Variants in KIAA0586 observed in about 807,000 individuals in gnomAD.
KIAA0586 encodes KIAA0586.
Under a neutral mutation model 169.8 loss-of-function variants are expected in KIAA0586, and 144 were observed. The ratio of observed to expected loss-of-function variants is 0.85; its 90% CI spans 0.74 to 0.97. The LOEUF (loss-of-function observed/expected upper bound fraction) is 0.97, where lower values mean the gene tolerates loss of function less well. Among genes scored for constraint, KIAA0586 ranks in the 50% least tolerant of loss-of-function variants. The pLI is 0.00. For missense variants in KIAA0586, 1,854 were observed against 1,823.0 expected (o/e 1.02, Z -0.31); for synonymous variants, 625 against 612.4 (o/e 1.02, Z -0.30).
At chr14:58,542,258 C>G (rs1387766082) in intron 30 of KIAA0586, among the ~76,000 whole-genome samples, 1 of 152,060 alleles carries the variant, frequency 6.6e-6, no homozygotes, top group Non-Finnish European at 1.5e-5. Context: ...GTGGGCAGAT[C>G]ACGGGGTCAG....
intron 6 of KIAA0586, among the ~76,000 whole-genome samples, chr14:58,447,934 A>G (rs532517288): frequency 6.6e-6 from 1 of 152,228 alleles, no homozygotes. Flanking sequence ...CTCAAACAAA[A>G]TCCTACCATT....
rs553873838 is a variant in KIAA0586 at position 58,468,267 on chromosome 14, C to T, written c.2442+345C>T. Among the ~76,000 whole-genome samples the T allele has an allele frequency of 4.6e-5, 7 of 152,116 alleles. No individual in the cohort carries two copies. In the South Asian group the frequency reaches 1.5e-3, roughly 32 times the overall value. ...GGTTTCATATGTTGGCCAGGCTTGT[C>T]TCAAACTCCTGACCTCAGGTGAATC... On this transcript the variant is annotated intron_variant, in intron 16 of 30. Transcript: ENST00000652326.
chr14:58,427,736 C>T lies in KIAA0586; in HGVS notation c.-529C>T, dbSNP rs1043486991. 2.6e-6 allele frequency: 4 copies of T among 1,534,080 alleles called. No homozygotes were observed. The East Asian group carries it at 9.8e-5, about 38-fold the overall frequency. On this transcript the variant is annotated 5_prime_UTR_variant, in exon 1 of 31. Coordinates refer to ENST00000652326, the MANE Select transcript of KIAA0586 (RefSeq NM_001329943.3). ...CAACTGACGCTGTTGTCAGATTACA[C>T]CCACGACGGTGCGGGTCTCGGGCGT...
intron 29 of KIAA0586, among the ~76,000 whole-genome samples, chr14:58,533,729 A>G (rs2046122528): frequency 6.6e-6 from 1 of 152,114 alleles, no homozygotes; most frequent in Admixed American, 6.5e-5. Context: ...GCTTGGAACT[A>G]TTACCCAGAG....
intron 26 of KIAA0586, among the ~76,000 whole-genome samples, chr14:58,498,165 C>T (rs527794121): frequency 8.6e-5 from 13 of 152,038 alleles, no homozygotes; most frequent in East Asian, 1.9e-4. Context: ...CATGAGCCAC[C>T]GTGCCCAGCT....
chr14:58,503,562 A>T (rs959282735), intron 27 of KIAA0586, among the ~76,000 whole-genome samples: 4 of 151,998 alleles, frequency 2.6e-5, no homozygotes, highest in Admixed American at 6.6e-5. Flanking sequence ...GTTCACAATG[A>T]TTTTTTTTCT....
chr14:58,439,478 C>G (rs1029309300), intron 4 of KIAA0586, among the ~76,000 whole-genome samples: 1 of 152,014 alleles, frequency 6.6e-6, no homozygotes, highest in Non-Finnish European at 1.5e-5. Flanking sequence ...TGAGCCACCG[C>G]GCCTGGCCAG....
chr14:58,447,206 T>TAG (rs1458291524), intron 6 of KIAA0586, among the ~76,000 whole-genome samples: 1 of 152,178 alleles, frequency 6.6e-6, no homozygotes, highest in African/African-American at 2.4e-5. Flanking sequence ...CTGTTTTATG[T>TAG]AGAGGGATCT....
At chr14:58,538,600 A>G (rs2046445949) in intron 29 of KIAA0586, among the ~76,000 whole-genome samples, 1 of 152,096 alleles carries the variant, frequency 6.6e-6, no homozygotes, top group African/African-American at 2.4e-5. Flanking sequence ...TTATTTTAAA[A>G]TGTGCAATTA....
At chr14:58,516,781 A>G (rs1251693402) in intron 29 of KIAA0586, among the ~76,000 whole-genome samples, 1 of 152,222 alleles carries the variant, frequency 6.6e-6, no homozygotes, top group East Asian at 1.9e-4. Flanking sequence ...AGACAGTGGA[A>G]TATTGGCATA....
intron 22 of KIAA0586, 122 bp downstream of exon 22, chr14:58,487,288 G>T: frequency 1.1e-6 from 1 of 876,088 alleles, no homozygotes; most frequent in Admixed American, 2.9e-5. Flanking sequence ...GGAAATTTAG[G>T]AATTGATTGC....
chr14:58,481,379 A>G (rs2042018771), intron 20 of KIAA0586, among the ~76,000 whole-genome samples: 1 of 152,236 alleles, frequency 6.6e-6, no homozygotes, highest in African/African-American at 2.4e-5. Flanking sequence ...GTAAGTGAGA[A>G]GTACAACCCA....
intron 25 of KIAA0586, among the ~76,000 whole-genome samples, chr14:58,490,464 A>C (rs1225250217): frequency 6.6e-6 from 1 of 152,208 alleles, no homozygotes; most frequent in Non-Finnish European, 1.5e-5. Context: ...AGTAGTAAAA[A>C]AATATACATT....
intron 4 of KIAA0586, among the ~76,000 whole-genome samples, chr14:58,441,629 TTTTG>T (rs2038383500): frequency 6.6e-6 from 1 of 152,010 alleles, no homozygotes; most frequent in African/African-American, 2.4e-5. Context: ...AGACCAAACT[TTTTG>T]TTTTATTTTA....
At chr14:58,479,912 C>T (rs1349586128) in intron 20 of KIAA0586, among the ~76,000 whole-genome samples, 1 of 152,110 alleles carries the variant, frequency 6.6e-6, no homozygotes, top group Non-Finnish European at 1.5e-5. Context: ...TACCATACTT[C>T]TTGATTACTG....
In KIAA0586 at chr14:58,498,886, C is replaced by T. The variant is rs752429234; in HGVS notation, c.4094C>T (p.Pro1365Leu). ...GGACATTCTCTCTATATGCAGCCAC[C>T]TGTCACTAATACACAGTCTTTGGAT... The part of the protein sequence containing the change: ...LMGHSLYMQP[P>L]VTNTQSLDQQ... Residue 1365 changes from proline to leucine, a missense_variant, in exon 27 of 31, where the codon CCT (proline) becomes CTT (leucine). Coordinates refer to ENST00000652326, the MANE Select transcript of KIAA0586 (RefSeq NM_001329943.3). 15 of 1,612,750 alleles carry T rather than the reference C, an allele frequency of 9.3e-6. No individual in the cohort carries two copies. The highest frequency in any genetic ancestry group is 1.3e-5 in the Non-Finnish European group (15 of 1,179,396).
Position 58,438,042 on chromosome 14 carries a change from T to G in KIAA0586, c.411-4664T>G, listed in dbSNP as rs367722663. ...CTGCTCCGAGGTAATGGAAGCTAAG[T>G]ACTGAAAAATACACTGAATTGAGCA... On this transcript the variant is annotated intron_variant, in intron 4 of 30. Coordinates refer to ENST00000652326, the MANE Select transcript of KIAA0586 (RefSeq NM_001329943.3). Among the ~76,000 whole-genome samples the G allele has an allele frequency of 5.3e-5, 8 of 152,298 alleles. 1 individual carries two copies. In the South Asian group the frequency reaches 6.2e-4, roughly 12 times the overall value.
chr14:58,480,598 A>G (rs1487839644), intron 20 of KIAA0586, among the ~76,000 whole-genome samples: 1 of 152,112 alleles, frequency 6.6e-6, no homozygotes, highest in African/African-American at 2.4e-5. Flanking sequence ...TAGTATGTCT[A>G]AAATTCTTCT....
At chr14:58,557,471 G>T in the KIAA0586 span, among the ~76,000 whole-genome samples, 3 of 152,208 alleles carry the variant, frequency 2.0e-5, no homozygotes, top group Admixed American at 1.3e-4. Context: ...CAAAAAGCTG[G>T]TGCAGCAGTA....
Sources: gnomAD v4.1 joint callset for allele counts (sites outside exome capture counted in the v4.1 genomes callset) on GRCh38, gnomAD v4.1.1 for gene constraint, MANE v1.5 for transcripts, NCBI Gene and HGNC (gene_info 2026-07-23, HGNC 2026-07-21) for gene names.